LARP4: variants seen among roughly 807,000 people sequenced by gnomAD.
LARP4 encodes the protein La ribonucleoprotein 4.
LARP4 carries 29 observed loss-of-function variants against 92.9 expected under a neutral mutation model. The ratio of observed to expected loss-of-function variants is 0.31; its 90% CI spans 0.23 to 0.43. The LOEUF is 0.43. Among genes scored for constraint, LARP4 ranks in the 20% least tolerant of loss-of-function variants. LARP4 has a pLI of 1.00. For synonymous variants in LARP4, 279 were observed against 284.1 expected (o/e 0.98, Z 0.18); for missense variants, 732 against 860.0 (o/e 0.85, Z 1.86).
At chr12:50,444,987 G>T (rs1242572046) in intron 8 of LARP4, among the ~76,000 whole-genome samples, 1 of 152,012 alleles carries the variant, frequency 6.6e-6, no homozygotes, top group East Asian at 1.9e-4. Context: ...TCAATTCATT[G>T]CAGCCTCCTC....
rs1565776103 is a variant in LARP4, at chr12:50,475,510, T to TA, written c.1837-15dup. The TA allele has an allele frequency of 1.9e-6, 3 of 1,560,078 alleles. No homozygotes were observed. The highest frequency in any genetic ancestry group is 1.4e-5 in the African/African-American group (1 of 72,232). On this transcript the variant is annotated splice_polypyrimidine_tract_variant and intron_variant, in intron 15 of 15. Transcript: ENST00000398473. ...AATGTGTACCATAAATGTTTTTTTT[T>TA]ATCATCACTTCAAAGGAACCCCGAA... is the stretch of plus-strand genomic sequence containing the variant.
At chr12:50,430,397 G>A (rs1165397649) in intron 3 of LARP4, 98 bp from the exon 4 acceptor site, 10 of 643,262 alleles carry the variant, frequency 1.6e-5, no homozygotes, top group Middle Eastern at 2.7e-4. Context: ...AATTTTGATT[G>A]TAGATACTTT....
At chr12:50,468,677 AT>A (rs1368689807) in intron 13 of LARP4, among the ~76,000 whole-genome samples, 1 of 152,144 alleles carries the variant, frequency 6.6e-6, no homozygotes, top group Non-Finnish European at 1.5e-5. Context: ...GAAGCTAAAG[AT>A]TTAGCTTTCT....
At chr12:50,420,516 A>T (rs531721543) in intron 1 of LARP4, among the ~76,000 whole-genome samples, 1 of 152,320 alleles carries the variant, frequency 6.6e-6, no homozygotes, top group South Asian at 2.1e-4. Flanking sequence ...CAGATAAAAA[A>T]CAATTTCACA....
chr12:50,430,094 G>A (rs1257325456), intron 3 of LARP4, among the ~76,000 whole-genome samples: 1 of 152,096 alleles, frequency 6.6e-6, no homozygotes, highest in Non-Finnish European at 1.5e-5. Context: ...ATACAGTTTG[G>A]GCCAGGCACA....
chr12:50,405,900 CTA>C (rs1944743620), intron 1 of LARP4, among the ~76,000 whole-genome samples: 1 of 152,028 alleles, frequency 6.6e-6, no homozygotes. Context: ...TAAATAATCT[CTA>C]GATTATTTAT....
intron 13 of LARP4, among the ~76,000 whole-genome samples, chr12:50,472,709 G>T (rs1957061465): frequency 6.6e-6 from 1 of 151,884 alleles, no homozygotes; most frequent in African/African-American, 2.4e-5. Context: ...ACTGGATCTT[G>T]CTATGTTGTC....
intron 7 of LARP4, 115 bp from the exon 8 acceptor site, chr12:50,441,475 A>G: frequency 1.5e-6 from 1 of 654,404 alleles, no homozygotes; most frequent in Non-Finnish European, 2.6e-6. Context: ...TGCACAGTGG[A>G]ATCACCTACA....
At chr12:50,462,097 T>C (rs1156866866) in intron 11 of LARP4, among the ~76,000 whole-genome samples, 1 of 152,182 alleles carries the variant, frequency 6.6e-6, no homozygotes, top group Admixed American at 6.6e-5. Context: ...GTAAAGTTTT[T>C]AGTAAATTGG....
At chr12:50,404,710 C>T (rs1220577684) in intron 1 of LARP4, among the ~76,000 whole-genome samples, 6 of 96,996 alleles carry the variant, frequency 6.2e-5, no homozygotes, top group East Asian at 3.7e-4. Flanking sequence ...TTTTTTGAGA[C>T]GGAGTTTCCA....
In LARP4 at chr12:50,400,996, T is replaced by C. The variant is rs1357351173; in HGVS notation, c.-15T>C. On this transcript the variant is annotated 5_prime_UTR_variant, in exon 1 of 16. Transcript: ENST00000398473. ...GTTGCGGCGGCGGGAACGATTGGGCTGAGCAGAGGACGACATGTTGCTTTT... is the reference window on the plus strand; with the variant it reads ...GTTGCGGCGGCGGGAACGATTGGGCCGAGCAGAGGACGACATGTTGCTTTT... 6.2e-7 allele frequency: 1 copy of C among 1,614,028 alleles called. No individual in the cohort carries two copies. Among genetic ancestry groups the C allele is most frequent in the Non-Finnish European group, 8.5e-7 (1 of 1,180,028 alleles).
chr12:50,442,314 C>T (rs1366668754), intron 8 of LARP4, among the ~76,000 whole-genome samples: 2 of 152,174 alleles, frequency 1.3e-5, no homozygotes, highest in East Asian at 3.8e-4. Context: ...TACGTACCAT[C>T]AATACAACCA....
At chr12:50,463,148 G>A (rs925184099) in intron 12 of LARP4, among the ~76,000 whole-genome samples, 3 of 151,570 alleles carry the variant, frequency 2.0e-5, no homozygotes, top group Non-Finnish European at 2.9e-5. Flanking sequence ...CTCTCGAGTC[G>A]GGGTCTTGCG....
At chr12:50,441,462 A>T in intron 7 of LARP4, 128 bp from the exon 8 acceptor site, 1 of 604,566 alleles carries the variant, frequency 1.7e-6, no homozygotes, top group Non-Finnish European at 2.9e-6. Flanking sequence ...TTCCCTGTCC[A>T]CCTGCACAGT....
intron 3 of LARP4, among the ~76,000 whole-genome samples, chr12:50,429,977 G>T (rs376453865): frequency 6.6e-6 from 1 of 151,984 alleles, no homozygotes; most frequent in Non-Finnish European, 1.5e-5. Flanking sequence ...TTAATTTTTT[G>T]ATAAAGATAA....
chr12:50,435,507 C>T lies in LARP4; in HGVS notation c.418C>T (p.Leu140Phe). The change falls in exon 5 of 16, where the codon CTT becomes TTT. Residue 140 changes from leucine (L) to phenylalanine (F), a missense_variant. This residue lies in a region of LARP4 where 236 missense variants were observed against 307.6 expected (regional missense o/e 0.77). Transcript: ENST00000398473. ...TTTCAGAGAAAATTTGTCAAAGGAT[C>T]TTTACTTGATATCTCAAATGGATAG... ...CFSRENLSKD[L>F]YLISQMDSDQ... 1 of 1,553,864 alleles carries T rather than the reference C, an allele frequency of 6.4e-7. No homozygotes were observed. Among genetic ancestry groups the T allele is most frequent in the Non-Finnish European group, 8.8e-7 (1 of 1,131,210 alleles).
At chr12:50,425,247 A>G (rs1177951661) in intron 1 of LARP4, among the ~76,000 whole-genome samples, 1 of 152,216 alleles carries the variant, frequency 6.6e-6, no homozygotes, top group Non-Finnish European at 1.5e-5. Context: ...GGGTATTTCT[A>G]ATAGGTGTAT....
At position 50,469,264 on chromosome 12, in the gene LARP4, T is replaced by C. The variant is rs532487649; in HGVS notation, c.1545+2144T>C. Among the ~76,000 whole-genome samples the C allele has an allele frequency of 7.2e-5, 11 of 152,172 alleles. No individual in the cohort carries two copies. In the South Asian group the frequency reaches 1.0e-3, roughly 14 times the overall value. ...TCATAAGTTCTAAGATACACTTTTTTCCCCCCATGTTTTATCACCTTCAAA... is the reference window on the plus strand; with the variant it reads ...TCATAAGTTCTAAGATACACTTTTTCCCCCCCATGTTTTATCACCTTCAAA... On this transcript the variant is annotated intron_variant, in intron 13 of 15. Coordinates refer to ENST00000398473, the MANE Select transcript of LARP4 (RefSeq NM_052879.5).
At chr12:50,439,964 T>C (rs1156341320) in intron 6 of LARP4, among the ~76,000 whole-genome samples, 1 of 152,210 alleles carries the variant, frequency 6.6e-6, no homozygotes, top group Non-Finnish European at 1.5e-5. Flanking sequence ...CTGGATTAAA[T>C]GAGAATGCGT....
Sources: gnomAD v4.1 joint callset for allele counts (sites outside exome capture counted in the v4.1 genomes callset) on GRCh38, gnomAD v4.1.1 for gene constraint, gnomAD v4.1.1 regional missense constraint, MANE v1.5 for transcripts, NCBI Gene and HGNC (gene_info 2026-07-23, HGNC 2026-07-21) for gene names.